The following KLF12 variants were observed in gnomAD, a reference collection of about 807,000 sequenced individuals.
KLF12 encodes the protein Krueppel-like factor 12.
A neutral mutation model predicts 37.8 loss-of-function variants in KLF12; 9 were observed. The observed-to-expected ratio is 0.24, with a 90% CI of 0.14 to 0.42. KLF12 has a LOEUF of 0.42. Among genes scored for constraint, KLF12 ranks in the 10% least tolerant of loss-of-function variants. KLF12 has a pLI of 1.00. For missense variants in KLF12, 411 were observed against 516.0 expected (o/e 0.80, Z 1.97); for synonymous variants, 208 against 202.1 (o/e 1.03, Z -0.25).
the KLF12 span, among the ~76,000 whole-genome samples, chr13:74,244,727 G>A: frequency 3.1e-3 from 475 of 152,260 alleles, 3 homozygotes; most frequent in African/African-American, 0.011. Flanking sequence ...GGATTCTAAT[G>A]TGTATTGTCC....
the KLF12 span, among the ~76,000 whole-genome samples, chr13:74,229,266 A>C: frequency 2.0e-5 from 3 of 152,192 alleles, no homozygotes; most frequent in Non-Finnish European, 4.4e-5. Flanking sequence ...AAAGCTTTGA[A>C]CCAAGATAAA....
the KLF12 span, among the ~76,000 whole-genome samples, chr13:74,303,610 G>C: frequency 6.6e-6 from 1 of 152,116 alleles, no homozygotes; most frequent in African/African-American, 2.4e-5. Context: ...AAAAGAGATT[G>C]TCCTTAAAAC....
intron 6 of KLF12, among the ~76,000 whole-genome samples, chr13:73,742,139 G>C (rs948467164): frequency 1.3e-5 from 2 of 151,980 alleles, no homozygotes; most frequent in African/African-American, 2.4e-5. Context: ...AGAGTATTTA[G>C]AGATATAAGC....
intron 3 of KLF12, among the ~76,000 whole-genome samples, chr13:73,871,632 C>T (rs543590419): frequency 5.9e-5 from 9 of 152,290 alleles, no homozygotes; most frequent in South Asian, 2.1e-4. Context: ...TTCACACATT[C>T]GCTATCTCTG....
At chr13:74,233,647 T>A in the KLF12 span, among the ~76,000 whole-genome samples, 39 of 152,320 alleles carry the variant, frequency 2.6e-4, no homozygotes, top group African/African-American at 8.9e-4. Flanking sequence ...ATATTCTATA[T>A]GAAGACAGAT....
At chr13:73,909,045 T>C (rs1593710265) in intron 3 of KLF12, among the ~76,000 whole-genome samples, 2 of 152,144 alleles carry the variant, frequency 1.3e-5, no homozygotes, top group African/African-American at 4.8e-5. Flanking sequence ...ATCGCCCTTC[T>C]CCAGTAGTGC....
At chr13:74,198,719 T>C in the KLF12 span, among the ~76,000 whole-genome samples, 2 of 152,230 alleles carry the variant, frequency 1.3e-5, no homozygotes, top group Admixed American at 6.5e-5. Context: ...GTATAGATAG[T>C]TTGAGAAGTG....
chr13:73,799,859 A>C (rs1882192623), intron 5 of KLF12, among the ~76,000 whole-genome samples: 1 of 152,202 alleles, frequency 6.6e-6, no homozygotes, highest in African/African-American at 2.4e-5. Context: ...TAGTGCTTAC[A>C]TATACAAAAC....
At chr13:74,082,699 G>A (rs962353279) in intron 1 of KLF12, among the ~76,000 whole-genome samples, 1 of 152,128 alleles carries the variant, frequency 6.6e-6, no homozygotes, top group Non-Finnish European at 1.5e-5. Context: ...AAAAGGGCAG[G>A]GAACATCCAA....
upstream of KLF12, among the ~76,000 whole-genome samples, chr13:74,134,088 C>T (rs1878427216): frequency 1.3e-5 from 2 of 148,690 alleles, no homozygotes; most frequent in Admixed American, 6.7e-5. Flanking sequence ...CCCCGGGGCC[C>T]AGCCGAGGGG....
chr13:73,755,613 TTCTC>T (rs201353983), intron 6 of KLF12, among the ~76,000 whole-genome samples: 1 of 132,134 alleles, frequency 7.6e-6, no homozygotes, highest in Non-Finnish European at 1.6e-5. Flanking sequence ...ACAAAGCACT[TTCTC>T]TCTTTTTTTT....
At chr13:74,238,343 A>G in the KLF12 span, among the ~76,000 whole-genome samples, 1 of 131,688 alleles carries the variant, frequency 7.6e-6, no homozygotes, top group South Asian at 2.3e-4. Flanking sequence ...TCGTTTTGCC[A>G]GTATTTTATT....
chr13:73,742,849 G>A (rs1878101033), intron 6 of KLF12, among the ~76,000 whole-genome samples: 1 of 152,124 alleles, frequency 6.6e-6, no homozygotes, highest in African/African-American at 2.4e-5. Context: ...TTTACAACTT[G>A]CTCCTTCTTT....
chr13:73,746,464 G>A (rs958607429), intron 6 of KLF12, among the ~76,000 whole-genome samples: 3 of 152,090 alleles, frequency 2.0e-5, no homozygotes, highest in African/African-American at 4.8e-5. Context: ...CAAAGACAGA[G>A]CTCCTTTAGA....
At chr13:74,017,504 T>C (rs1190242207) in intron 1 of KLF12, among the ~76,000 whole-genome samples, 1 of 151,252 alleles carries the variant, frequency 6.6e-6, no homozygotes, top group Non-Finnish European at 1.5e-5. Context: ...AACACTGCCA[T>C]AAAAAGCTAT....
At chr13:73,735,009 T>G (rs747065690) in intron 6 of KLF12, among the ~76,000 whole-genome samples, 5 of 151,696 alleles carry the variant, frequency 3.3e-5, no homozygotes, top group Non-Finnish European at 5.9e-5. Flanking sequence ...CCATGCTGGC[T>G]GGGCATAGTG....
chr13:73,800,273 T>C (rs1882216425), intron 5 of KLF12: 2 of 152,056 alleles, frequency 1.3e-5, no homozygotes, highest in Admixed American at 6.6e-5. Context: ...ATTTACATTA[T>C]GAAATTAAGA....
the KLF12 span, among the ~76,000 whole-genome samples, chr13:74,161,122 C>T: frequency 6.7e-6 from 1 of 149,774 alleles, no homozygotes; most frequent in South Asian, 2.1e-4. Context: ...TCTGGGAAGG[C>T]TTCCCACACT....
Position 73,701,237 on chromosome 13 carries a change from G to C in KLF12, c.1028-5566C>G, listed in dbSNP as rs184240864. 6.5e-3 allele frequency among the ~76,000 whole-genome samples: 985 copies of C among 152,270 alleles called. 11 individuals carry two copies. The highest frequency in any genetic ancestry group is 0.021 in the African/African-American group (875 of 41,542). On this transcript the variant is annotated intron_variant, in intron 7 of 7. Transcript: ENST00000377669. ...CCTGGGCGACTCTGCATCAGGTTGA[G>C]CAGTGGTGATCAGAAACTTGATTTC... is the stretch of plus-strand genomic sequence containing the variant.
Sources: gnomAD v4.1 joint callset for allele counts (sites outside exome capture counted in the v4.1 genomes callset) on GRCh38, gnomAD v4.1.1 for gene constraint, MANE v1.5 for transcripts, NCBI Gene and HGNC (gene_info 2026-07-23, HGNC 2026-07-21) for gene names.